Variants in SMIM45 observed in about 807,000 individuals in gnomAD.
The protein encoded by SMIM45 is small integral membrane protein 45.
the SMIM45 span, among the ~76,000 whole-genome samples, chr22:41,956,114 A>T: frequency 2.6e-5 from 4 of 151,272 alleles, no homozygotes; most frequent in Non-Finnish European, 5.9e-5. Context: ...GACTTAGGTG[A>T]TCCTTCCACC....
At chr22:41,950,583 A>G in the SMIM45 span, among the ~76,000 whole-genome samples, 1 of 152,216 alleles carries the variant, frequency 6.6e-6, no homozygotes, top group Non-Finnish European at 1.5e-5. Flanking sequence ...TTGTGGTCCA[A>G]GCTACTCGGG....
the SMIM45 span, chr22:41,946,958 A>C: frequency 1.9e-6 from 3 of 1,540,322 alleles, no homozygotes; most frequent in East Asian, 6.7e-5. Context: ...CAGTTGACCT[A>C]GTGGCTGAAG....
chr22:41,956,969 T>TG, the SMIM45 span, among the ~76,000 whole-genome samples: 1 of 152,000 alleles, frequency 6.6e-6, no homozygotes, highest in African/African-American at 2.4e-5. Flanking sequence ...TTAGTAGAGA[T>TG]GGGGTTTCAC....
chr22:41,951,316 CT>C, the SMIM45 span, among the ~76,000 whole-genome samples: 1 of 152,076 alleles, frequency 6.6e-6, no homozygotes, highest in Admixed American at 6.5e-5. Flanking sequence ...AGGATCCATG[CT>C]TGGGAAGGTG....
chr22:41,950,080 C>G, the SMIM45 span, among the ~76,000 whole-genome samples: 1 of 150,718 alleles, frequency 6.6e-6, no homozygotes, highest in Non-Finnish European at 1.5e-5. Flanking sequence ...CCCACCCCCA[C>G]CCAACCATTG....
At chr22:41,952,694 A>C in the SMIM45 span, among the ~76,000 whole-genome samples, 8 of 152,230 alleles carry the variant, frequency 5.3e-5, no homozygotes, top group Non-Finnish European at 1.0e-4. Context: ...AGAAATCAGG[A>C]AGAGACCACG....
chr22:41,956,526 G>A, the SMIM45 span, among the ~76,000 whole-genome samples: 1 of 152,190 alleles, frequency 6.6e-6, no homozygotes, highest in Non-Finnish European at 1.5e-5. Flanking sequence ...CTCATCTCAG[G>A]GGCAGGTGCT....
At chr22:41,953,753 T>G in the SMIM45 span, among the ~76,000 whole-genome samples, 7 of 83,138 alleles carry the variant, frequency 8.4e-5, no homozygotes, top group Admixed American at 6.8e-4. Context: ...TTTTTTTTTT[T>G]TTTTTTTTTT....
the SMIM45 span, among the ~76,000 whole-genome samples, chr22:41,949,652 G>C: frequency 2.6e-5 from 4 of 152,218 alleles, no homozygotes; most frequent in Admixed American, 1.3e-4. Flanking sequence ...AGCATGTGCT[G>C]AGTGCCTGCC....
the SMIM45 span, among the ~76,000 whole-genome samples, chr22:41,951,268 C>T: frequency 2.6e-5 from 4 of 152,262 alleles, no homozygotes; most frequent in African/African-American, 4.8e-5. Flanking sequence ...GCCCTCAACA[C>T]GTGGCAGATA....
At chr22:41,950,952 A>C in the SMIM45 span, among the ~76,000 whole-genome samples, 2 of 152,234 alleles carry the variant, frequency 1.3e-5, no homozygotes, top group Non-Finnish European at 2.9e-5. Context: ...AGATTGCGCC[A>C]CTGCACTCCA....
the SMIM45 span, among the ~76,000 whole-genome samples, chr22:41,953,066 CA>C: frequency 2.6e-5 from 4 of 152,296 alleles, no homozygotes; most frequent in East Asian, 7.7e-4. Flanking sequence ...GCCCTGGCTG[CA>C]CTAGTCACTT....
At chr22:41,952,194 G>T in the SMIM45 span, 2 of 152,532 alleles carry the variant, frequency 1.3e-5, no homozygotes, top group East Asian at 3.8e-4. Context: ...GCCAGTCCAG[G>T]ACTGCCCCCT....
At chr22:41,957,613 T>G in the SMIM45 span, 1 of 152,744 alleles carries the variant, frequency 6.5e-6, no homozygotes, top group Admixed American at 6.5e-5. Flanking sequence ...AAGGTCTCCC[T>G]CTGGGTGGGC....
the SMIM45 span, among the ~76,000 whole-genome samples, chr22:41,954,804 G>A: frequency 3.9e-5 from 6 of 151,934 alleles, no homozygotes; most frequent in African/African-American, 1.5e-4. Flanking sequence ...TCAGGAGTTT[G>A]AGACCAGCCT....
chr22:41,949,108 G>A, the SMIM45 span, among the ~76,000 whole-genome samples: 12 of 151,990 alleles, frequency 7.9e-5, no homozygotes, highest in Non-Finnish European at 1.8e-4. Flanking sequence ...GTATGGTGGC[G>A]GTGGCGGGCG....
the SMIM45 span, among the ~76,000 whole-genome samples, chr22:41,951,469 GAGGACTGC>G: frequency 2.0e-5 from 3 of 152,194 alleles, no homozygotes; most frequent in African/African-American, 7.2e-5. Context: ...ATCCAGCTGG[GAGGACTGC>G]AGGAAGTGAT....
At chr22:41,951,320 G>C in the SMIM45 span, among the ~76,000 whole-genome samples, 1 of 152,358 alleles carries the variant, frequency 6.6e-6, no homozygotes, top group Admixed American at 6.5e-5. Context: ...TCCATGCTTG[G>C]GAAGGTGGAC....
At chr22:41,956,396 A>G in the SMIM45 span, among the ~76,000 whole-genome samples, 1 of 152,186 alleles carries the variant, frequency 6.6e-6, no homozygotes, top group Admixed American at 6.5e-5. Context: ...CCTTACAACT[A>G]TGAAACTGGG....
Sources: gnomAD v4.1 joint callset for allele counts (sites outside exome capture counted in the v4.1 genomes callset) on GRCh38, gnomAD v4.1.1 for gene constraint, MANE v1.5 for transcripts, NCBI Gene and HGNC (gene_info 2026-07-23, HGNC 2026-07-21) for gene names.